CD163: variants seen among roughly 807,000 people sequenced by gnomAD.
The protein encoded by CD163 is CD163 molecule, also known as scavenger receptor cysteine-rich type 1 protein M130.
CD163 carries 64 observed loss-of-function variants against 129.2 expected under a neutral mutation model. The ratio of observed to expected loss-of-function variants is 0.50; its 90% CI spans 0.41 to 0.61. CD163 has a LOEUF of 0.61. Among genes scored for constraint, CD163 ranks in the 20% least tolerant of loss-of-function variants. The pLI, the probability that CD163 is intolerant of heterozygous loss-of-function variation, is 0.00. For missense variants in CD163, 1,061 were observed against 1,377.9 expected (o/e 0.77, Z 3.64); for synonymous variants, 446 against 478.5 (o/e 0.93, Z 0.89).
intron 14 of CD163, among the ~76,000 whole-genome samples, chr12:7,482,060 T>C (rs1949169934): frequency 6.6e-6 from 1 of 152,186 alleles, no homozygotes; most frequent in African/African-American, 2.4e-5. Flanking sequence ...ATGGCTACAT[T>C]GTAGTGTATT....
At chr12:7,484,029 A>G (rs1437748582) in intron 11 of CD163, among the ~76,000 whole-genome samples, 1 of 150,820 alleles carries the variant, frequency 6.6e-6, no homozygotes, top group Non-Finnish European at 1.5e-5. Context: ...TTTAGTAGAG[A>G]CGGGGTTTCA....
chr12:7,487,689 G>C lies in CD163; in HGVS notation c.1736-16C>G. ...TCTGTGTATCCTGGAAGGAGACAGG[G>C]CTTTAGAAAAAGACAGCTATGACTC... On this transcript the variant is annotated splice_polypyrimidine_tract_variant and intron_variant, in intron 7 of 16. Transcript: ENST00000432237. The surrounding 1 kb of genome is among the most constrained non-coding windows in gnomAD (Gnocchi z 5.1). 1 of 1,614,076 alleles carries C rather than the reference G, an allele frequency of 6.2e-7. No individual in the cohort carries two copies. The highest frequency in any genetic ancestry group is 8.5e-7 in the Non-Finnish European group (1 of 1,179,988).
At position 7,480,225 on chromosome 12, in the gene CD163, T is replaced by C. The variant is rs75113566; in HGVS notation, c.3344-312A>G. The C allele has an allele frequency of 4.1e-3, 1,543 of 378,674 alleles. 16 individuals carry two copies. Among genetic ancestry groups the C allele is most frequent in the African/African-American group, 0.027 (1,236 of 46,164 alleles). The allele number at this position is 378,674 out of a possible 1,614,324, so 23.5% of individuals were successfully genotyped here. A position where few individuals can be genotyped will look rare whatever the true frequency, so the allele number is the denominator to read the frequency against. ...AGTAGCAGATGCATAATTCTTTGGA[T>C]GGAAGAAGTGAGGCAGGCCCCTCTC... On this transcript the variant is annotated intron_variant, in intron 15 of 16. Transcript: ENST00000432237.
At chr12:7,479,743 C>T (rs924706644) in intron 16 of CD163, 117 bp downstream of exon 16, 1 of 1,024,322 alleles carries the variant, frequency 9.8e-7, no homozygotes, top group South Asian at 1.6e-5. Context: ...AACATATGCA[C>T]ATAAGCAAAT....
chr12:7,487,590 G>A lies in CD163; in HGVS notation c.1819C>T (p.Leu607Phe). The A allele has an allele frequency of 1.2e-6, 2 of 1,614,118 alleles. No individual in the cohort carries two copies. The highest frequency in any genetic ancestry group is 1.7e-6 in the Non-Finnish European group (2 of 1,180,002). ...TCTATGTCCCAGTGAGAGTTACAGAGGGATCCCCAGGCACCAAGCGTTTTG... is the reference window on the plus strand; with the variant it reads ...TCTATGTCCCAGTGAGAGTTACAGAAGGATCCCCAGGCACCAAGCGTTTTG... Reference protein sequence around the residue: ...ELKTLGAWGSLCNSHWDIEDA... With the variant: ...ELKTLGAWGSFCNSHWDIEDA... The change falls in exon 8 of 17, where the codon CTC becomes TTC. Residue 607 changes from leucine to phenylalanine, a missense_variant. Coordinates refer to ENST00000432237, the MANE Select transcript of CD163 (RefSeq NM_203416.4). The surrounding 1 kb of genome is among the most constrained non-coding windows in gnomAD (Gnocchi z 5.1).
chr12:7,473,163 C>G (rs953227783), intron 16 of CD163: 1 of 152,164 alleles, frequency 6.6e-6, no homozygotes, highest in African/African-American at 2.4e-5. Flanking sequence ...AGGATATTAT[C>G]CAGGAGAACT....
At chr12:7,488,376 A>G (rs947788009) in intron 6 of CD163, among the ~76,000 whole-genome samples, 13 of 152,228 alleles carry the variant, frequency 8.5e-5, no homozygotes, top group Admixed American at 7.2e-4. Context: ...TGCTTACTTT[A>G]TTCATAATAA....
chr12:7,498,321 AGTCTGAGTATACAAC>A (rs750514455), intron 4 of CD163, among the ~76,000 whole-genome samples: 3 of 152,164 alleles, frequency 2.0e-5, no homozygotes, highest in Admixed American at 6.5e-5. Context: ...CCCCGCCCCC[AGTCTGAGTATACAAC>A]GTGAAAGTCT....
At chr12:7,490,842 C>T (rs1415588591) in intron 6 of CD163, among the ~76,000 whole-genome samples, 1 of 151,986 alleles carries the variant, frequency 6.6e-6, no homozygotes, top group Non-Finnish European at 1.5e-5. Flanking sequence ...AAACATGTTG[C>T]TTTCTAAACA....
intron 16 of CD163, among the ~76,000 whole-genome samples, chr12:7,475,097 C>CAAAAAAAAAAAAAAAAAAAAAAAAAAA (rs58901449): frequency 4.3e-5 from 4 of 94,020 alleles, no homozygotes; most frequent in African/African-American, 1.8e-4. Context: ...GCCTACCAAC[C>CAAAAAAAAAAAAAAAAAAAAAAAAAAA]AAAAAAAAAA....
At position 7,485,289 on chromosome 12, in the gene CD163, C is replaced by T. The variant is rs748753896; in HGVS notation, c.2586G>A (p.Val862=). Residue 862 remains valine, a synonymous_variant, in exon 11 of 17, where the codon GTG becomes GTA. Coordinates refer to ENST00000432237, the MANE Select transcript of CD163 (RefSeq NM_203416.4). This position sits in a 1 kb window ranked among gnomAD's most constrained non-coding sequence, Gnocchi z 4.5. ...KSSMSETTVG[V]VCRQLGCADK... The stretch of plus-strand genomic sequence containing the variant: ...CTGCACAGCCCAGCTGCCTGCACAC[C>T]ACACCCACAGTGGTTTCAGACATGC... 1.2e-6 allele frequency: 2 copies of T among 1,614,162 alleles called. No individual in the cohort carries two copies. Among genetic ancestry groups the T allele is most frequent in the South Asian group, 2.2e-5 (2 of 91,074 alleles).
chr12:7,484,653 A>AAC (rs1949223465), intron 11 of CD163, among the ~76,000 whole-genome samples: 1 of 151,792 alleles, frequency 6.6e-6, no homozygotes, highest in South Asian at 2.1e-4. Flanking sequence ...AAAAAAAAAA[A>AAC]AAAAAACCTG....
At chr12:7,484,001 C>T (rs995627170) in intron 11 of CD163, among the ~76,000 whole-genome samples, 9 of 150,736 alleles carry the variant, frequency 6.0e-5, no homozygotes, top group African/African-American at 9.7e-5. Flanking sequence ...CCACCACACC[C>T]GGCTAATTTT....
intron 16 of CD163, among the ~76,000 whole-genome samples, chr12:7,477,815 T>C (rs1268079929): frequency 6.6e-6 from 1 of 152,192 alleles, no homozygotes; most frequent in Admixed American, 6.5e-5. Flanking sequence ...GAAGCAGTTA[T>C]TCAGCAGTGA....
intron 5 of CD163, 35 bp from the exon 6 acceptor site, chr12:7,495,436 A>G (rs1949387045): frequency 3.8e-6 from 6 of 1,573,580 alleles, no homozygotes; most frequent in Non-Finnish European, 4.3e-6. Flanking sequence ...CCATCGATAC[A>G]TATGGAGGTT....
rs1419220316 is a variant in CD163, at chr12:7,486,744, C to T, written c.2213G>A (p.Gly738Asp). The T allele has an allele frequency of 6.2e-7, 1 of 1,614,132 alleles. No individual in the cohort carries two copies. The highest frequency in any genetic ancestry group is 8.5e-7 in the Non-Finnish European group (1 of 1,179,996). Residue 738 changes from glycine to aspartate, a missense_variant, in exon 10 of 17, where the codon GGC becomes GAC. Coordinates refer to ENST00000432237, the MANE Select transcript of CD163 (RefSeq NM_203416.4). ...GTCATCACAGATGGTGCCCCAGGAG[C>T]CCTCATGATAGATCTCTACTCTCCC... Reference protein sequence around the residue: ...CAGRVEIYHEGSWGTICDDSW... With the variant: ...CAGRVEIYHEDSWGTICDDSW...
intron 15 of CD163, chr12:7,480,252 G>C (rs1036020682): frequency 3.8e-5 from 13 of 341,732 alleles, no homozygotes; most frequent in African/African-American, 6.7e-5. Flanking sequence ...GCCCCTCTCA[G>C]AAGGTCAGGG....
chr12:7,479,430 T>C (rs759623362), intron 16 of CD163, among the ~76,000 whole-genome samples: 1 of 152,254 alleles, frequency 6.6e-6, no homozygotes, highest in African/African-American at 2.4e-5. Flanking sequence ...TCAGTTATTT[T>C]TAAAGTTTAC....
At chr12:7,479,949 C>G (rs750492046) in intron 15 of CD163, 36 bp from the exon 16 acceptor site, 2 of 1,612,404 alleles carry the variant, frequency 1.2e-6, no homozygotes, top group Non-Finnish European at 1.7e-6. Flanking sequence ...AATTTAGACA[C>G]AGAAATTAGT....
Sources: allele counts gnomAD v4.1 joint callset (sites outside exome capture counted in the v4.1 genomes callset), GRCh38; gene constraint gnomAD v4.1.1; non-coding constraint Gnocchi (gnomAD v3.1); transcripts MANE v1.5; gene names NCBI Gene and HGNC (gene_info 2026-07-23, HGNC 2026-07-21).